Variants in SWAP70 observed in about 807,000 individuals in gnomAD.
The protein encoded by SWAP70 is switch-associated protein 70.
In SWAP70, 34 loss-of-function variants were observed where a neutral mutation model predicts 80.2. The observed-to-expected ratio is 0.42, with a 90% confidence interval of 0.32 to 0.56. The LOEUF is 0.56. Ranked by LOEUF, SWAP70 falls within the 20% of genes least tolerant of loss-of-function variation. SWAP70 has a pLI of 0.09. For missense variants in SWAP70, 578 were observed against 690.7 expected (o/e 0.84, Z 1.83); for synonymous variants, 239 against 238.5 (o/e 1.00, Z -0.02).
At chr11:9,735,033 A>C (rs113442934) in intron 7 of SWAP70, among the ~76,000 whole-genome samples, 3,615 of 152,246 alleles carry the variant, frequency 0.024, 166 homozygotes, top group African/African-American at 0.082. Flanking sequence ...AGTTTTTATA[A>C]ATTAATAGAT....
At chr11:9,720,168 A>G (rs370988640) in intron 3 of SWAP70, 18 of 985,236 alleles carry the variant, frequency 1.8e-5, no homozygotes, top group East Asian at 1.1e-4. Context: ...CCTTGGCCCA[A>G]TATAATGAAT....
intron 1 of SWAP70, among the ~76,000 whole-genome samples, chr11:9,676,759 C>A (rs1220189109): frequency 6.6e-6 from 1 of 150,900 alleles, no homozygotes; most frequent in Non-Finnish European, 1.5e-5. Context: ...ATGCCATTCT[C>A]CTGCCTCAGC....
rs181854284 is a variant in SWAP70, at chr11:9,676,048, A to G, written c.99+11770A>G. On this transcript the variant is annotated intron_variant, in intron 1 of 11. Coordinates refer to ENST00000318950, the MANE Select transcript of SWAP70 (RefSeq NM_015055.4). ...TTAAGCAAAGATTTACTTGCTTTTC[A>G]GCAGCTGAAGTAGATAGCAATAGGC... 9.1e-4 allele frequency among the ~76,000 whole-genome samples: 139 copies of G among 152,368 alleles called. 2 individuals are homozygous for G. In the South Asian group the frequency reaches 0.025, roughly 28 times the overall value.
In SWAP70 at chr11:9,713,528, A is replaced by C. The variant is rs1276044959; in HGVS notation, c.303A>C (p.Lys101Asn). ...TGTGTTGGACCCTCTGTGTCAAAAAAAACCTCACAAAGAATCCCCTGCTCA... is the reference window on the plus strand; with the variant it reads ...TGTGTTGGACCCTCTGTGTCAAAAACAACCTCACAAAGAATCCCCTGCTCA... ...NRMCWTLCVK[K>N]NLTKNPLLIT... is the part of the protein sequence containing the mutation. The change falls in exon 3 of 12, where the codon AAA (lysine) becomes AAC (asparagine). Residue 101 changes from lysine to asparagine, a missense_variant. Transcript: ENST00000318950. 1.9e-6 allele frequency: 3 copies of C among 1,613,950 alleles called. No homozygotes were observed. The highest frequency in any genetic ancestry group is 2.2e-5 in the South Asian group (2 of 91,086).
At chr11:9,742,892 T>TG (rs200300222) in intron 9 of SWAP70, among the ~76,000 whole-genome samples, 1,943 of 151,230 alleles carry the variant, frequency 0.013, 44 homozygotes, top group African/African-American at 0.044. Context: ...TCCTTTTTTT[T>TG]TTTTTTTAAT....
chr11:9,741,275 T>A (rs1851435096), intron 9 of SWAP70: 1 of 152,172 alleles, frequency 6.6e-6, no homozygotes. Flanking sequence ...AATAAATAAA[T>A]TGTTTTGGAC....
chr11:9,722,093 T>G (rs1232856215), intron 3 of SWAP70, among the ~76,000 whole-genome samples: 1 of 152,238 alleles, frequency 6.6e-6, no homozygotes, highest in Non-Finnish European at 1.5e-5. Flanking sequence ...GAATAGTATT[T>G]CACTCAGTGC....
chr11:9,724,871 G>T lies in SWAP70; in HGVS notation c.628G>T (p.Asp210Tyr). The change falls in exon 4 of 12, where the codon GAT becomes TAT. Residue 210 changes from aspartate (D) to tyrosine (Y), a missense_variant. Physicochemically the swap from Asp to Tyr is radical, Grantham distance 160. Transcript: ENST00000318950. ...INEVFNELIL[D>Y]VLKQGYMMKK... ...TGAAGTCTTTAATGAACTTATATTA[G>T]ATGTGTTAAAGCAGGTAAGAATTCT... 6.2e-7 allele frequency: 1 copy of T among 1,602,804 alleles called. No individual in the cohort carries two copies. The highest frequency in any genetic ancestry group is 8.5e-7 in the Non-Finnish European group (1 of 1,171,054).
At chr11:9,725,718 TGC>T (rs1851215487) in intron 4 of SWAP70, among the ~76,000 whole-genome samples, 1 of 151,252 alleles carries the variant, frequency 6.6e-6, no homozygotes, top group Non-Finnish European at 1.5e-5. Flanking sequence ...ACTACAGGTG[TGC>T]GCCACCACGT....
intron 2 of SWAP70, among the ~76,000 whole-genome samples, chr11:9,712,398 T>C (rs954201361): frequency 2.0e-5 from 3 of 152,190 alleles, no homozygotes. Flanking sequence ...CAGACCTAGT[T>C]CTTCATCTTT....
At chr11:9,682,417 A>G (rs1850578922) in intron 1 of SWAP70, among the ~76,000 whole-genome samples, 1 of 152,232 alleles carries the variant, frequency 6.6e-6, no homozygotes, top group African/African-American at 2.4e-5. Flanking sequence ...AAAAGTGATG[A>G]GATCTCATTT....
At position 9,713,579 on chromosome 11, in the gene SWAP70, A is replaced by G. The variant is rs536296423; in HGVS notation, c.354A>G (p.Ile118Met). The G allele has an allele frequency of 2.5e-6, 4 of 1,614,000 alleles. No homozygotes were observed. In the South Asian group the frequency reaches 4.4e-5, roughly 18 times the overall value. The stretch of plus-strand genomic sequence containing the variant: ...TTACAGAAGAAGATGCATTTAAAAT[A>G]TGGGTTATTTTCAACTTTTTATCTG... ...LLITEEDAFK[I>M]WVIFNFLSED... Residue 118 changes from isoleucine to methionine, a missense_variant, in exon 3 of 12, where the codon ATA becomes ATG. Transcript: ENST00000318950.
chr11:9,681,796 A>G, intron 1 of SWAP70, among the ~76,000 whole-genome samples: 1 of 152,192 alleles, frequency 6.6e-6, no homozygotes, highest in East Asian at 1.9e-4. Context: ...TAGCTCAGAG[A>G]ATGCTTCCTA....
chr11:9,669,238 TATTA>T (rs1284322240), intron 1 of SWAP70, among the ~76,000 whole-genome samples: 1 of 152,202 alleles, frequency 6.6e-6, no homozygotes, highest in Non-Finnish European at 1.5e-5. Flanking sequence ...AAGCCCATTC[TATTA>T]ATTAATTAAT....
chr11:9,671,557 T>C (rs1850392604), intron 1 of SWAP70, among the ~76,000 whole-genome samples: 1 of 84,080 alleles, frequency 1.2e-5, no homozygotes, highest in Non-Finnish European at 2.1e-5. Flanking sequence ...TAGAAATATA[T>C]ATAAATATAT....
intron 1 of SWAP70, among the ~76,000 whole-genome samples, chr11:9,686,404 G>T (rs1170470621): frequency 1.5e-5 from 2 of 136,118 alleles, no homozygotes; most frequent in African/African-American, 2.7e-5. Flanking sequence ...TCAGTTGCCA[G>T]AGCTGGAGTA....
chr11:9,669,600 T>C (rs1352144249), intron 1 of SWAP70, among the ~76,000 whole-genome samples: 3 of 152,136 alleles, frequency 2.0e-5, no homozygotes, highest in African/African-American at 7.2e-5. Context: ...CTGCAAGAGA[T>C]GGGAATGAAT....
chr11:9,743,348 C>T (rs1410318281), intron 9 of SWAP70, among the ~76,000 whole-genome samples: 3 of 151,686 alleles, frequency 2.0e-5, no homozygotes, highest in Admixed American at 6.6e-5. Context: ...TGAATAATGC[C>T]GCAATAAACA....
chr11:9,687,706 C>T (rs992483012), intron 1 of SWAP70, among the ~76,000 whole-genome samples: 1 of 152,114 alleles, frequency 6.6e-6, no homozygotes, highest in African/African-American at 2.4e-5. Flanking sequence ...GTTACTTTTC[C>T]TTAATCTGTC....
Sources: allele counts gnomAD v4.1 joint callset (sites outside exome capture counted in the v4.1 genomes callset), GRCh38; gene constraint gnomAD v4.1.1; transcripts MANE v1.5; gene names NCBI Gene and HGNC (gene_info 2026-07-23, HGNC 2026-07-21).